The following TAFA4 variants were observed in gnomAD, a reference collection of about 807,000 sequenced individuals.
TAFA4 encodes the protein TAFA chemokine like family member 4.
A neutral mutation model predicts 21.1 loss-of-function variants in TAFA4; 20 were observed. The ratio of observed to expected loss-of-function variants is 0.95; its 90% CI spans 0.67 to 1.38. The LOEUF is 1.38. TAFA4 is among the 40% of genes most tolerant of loss of function. TAFA4 has a pLI of 0.00. For missense variants in TAFA4, 211 were observed against 180.9 expected (o/e 1.17, Z -0.95); for synonymous variants, 71 against 67.4 (o/e 1.05, Z -0.26).
Position 68,909,181 on chromosome 3 carries a change from A to C in TAFA4, c.-123+23059T>G, listed in dbSNP as rs547553591. Among the ~76,000 whole-genome samples the C allele has an allele frequency of 2.2e-3, 335 of 152,222 alleles. 2 individuals are homozygous for C. The highest frequency in any genetic ancestry group is 7.7e-3 in the African/African-American group (321 of 41,456). On this transcript the variant is annotated intron_variant, in intron 1 of 5. Transcript: ENST00000295569. ...TAACTCAAAGGATGGCAAACCCCCCAAAAAAAAAAGGGATTTGGGGACAAA... is the reference window on the plus strand; with the variant it reads ...TAACTCAAAGGATGGCAAACCCCCCCAAAAAAAAAGGGATTTGGGGACAAA...
chr3:68,808,914 T>C (rs541219533), intron 3 of TAFA4, among the ~76,000 whole-genome samples: 107 of 152,294 alleles, frequency 7.0e-4, no homozygotes, highest in Non-Finnish European at 1.1e-3. Flanking sequence ...ACCTGGAACA[T>C]TGCTGCTTAT....
chr3:68,867,636 G>A (rs1377521904), intron 3 of TAFA4, among the ~76,000 whole-genome samples: 1 of 151,956 alleles, frequency 6.6e-6, no homozygotes, highest in African/African-American at 2.4e-5. Context: ...AACTTATTAG[G>A]GATAGGCAAT....
At chr3:68,807,657 T>G (rs76158960) in intron 3 of TAFA4, among the ~76,000 whole-genome samples, 1 of 152,350 alleles carries the variant, frequency 6.6e-6, no homozygotes, top group East Asian at 1.9e-4. Flanking sequence ...CAAAGTATGT[T>G]TATATAGTGT....
intron 3 of TAFA4, among the ~76,000 whole-genome samples, chr3:68,783,951 G>T (rs1703203579): frequency 6.6e-6 from 1 of 152,042 alleles, no homozygotes; most frequent in African/African-American, 2.4e-5. Flanking sequence ...GGAAAAAAAA[G>T]GTCAAAACAC....
chr3:68,831,505 T>C (rs1354934727), intron 3 of TAFA4, among the ~76,000 whole-genome samples: 2 of 152,144 alleles, frequency 1.3e-5, no homozygotes, highest in Non-Finnish European at 1.5e-5. Flanking sequence ...ATGTTGAATA[T>C]TGGCCCCCAC....
intron 1 of TAFA4, among the ~76,000 whole-genome samples, chr3:68,885,708 TGGAAAA>T (rs2089665495): frequency 6.6e-6 from 1 of 152,158 alleles, no homozygotes; most frequent in South Asian, 2.1e-4. Context: ...CATGGAGCAG[TGGAAAA>T]GCCAGCACGA....
At chr3:68,782,815 T>C (rs899594022) in intron 3 of TAFA4, among the ~76,000 whole-genome samples, 1 of 152,212 alleles carries the variant, frequency 6.6e-6, no homozygotes, top group Non-Finnish European at 1.5e-5. Flanking sequence ...AGTCTGGAAC[T>C]AGACAGTCAT....
Position 68,831,904 on chromosome 3 carries a change from T to C in TAFA4, c.130+48826A>G, listed in dbSNP as rs60376501. Reference sequence around the variant, plus strand: ...TTCTTTTCACTCTTCTTTAATCTTGTCTTCTCACTTTATTTCATTAATTTG... The same window carrying C: ...TTCTTTTCACTCTTCTTTAATCTTGCCTTCTCACTTTATTTCATTAATTTG... On this transcript the variant is annotated intron_variant, in intron 3 of 5. Transcript: ENST00000295569. Among the ~76,000 whole-genome samples the C allele has an allele frequency of 3.5e-4, 53 of 152,222 alleles. No individual in the cohort carries two copies. The East Asian group carries it at 9.1e-3, about 26-fold the overall frequency.
chr3:68,734,948 T>A (rs1206891933), intron 5 of TAFA4, among the ~76,000 whole-genome samples: 1 of 152,164 alleles, frequency 6.6e-6, no homozygotes, highest in Non-Finnish European at 1.5e-5. Context: ...TGAAGTTGGA[T>A]GATAAAATGC....
chr3:68,881,970 G>A (rs1488826987), intron 2 of TAFA4, among the ~76,000 whole-genome samples: 1 of 152,180 alleles, frequency 6.6e-6, no homozygotes, highest in African/African-American at 2.4e-5. Context: ...CACATGTTCT[G>A]CTGCCAACAT....
intron 4 of TAFA4, among the ~76,000 whole-genome samples, chr3:68,740,214 G>T (rs1702324455): frequency 6.6e-6 from 1 of 152,160 alleles, no homozygotes; most frequent in African/African-American, 2.4e-5. Flanking sequence ...CTGACTTTGA[G>T]CCAGTCACAA....
At chr3:68,750,523 T>C (rs1241677448) in intron 4 of TAFA4, among the ~76,000 whole-genome samples, 3 of 152,210 alleles carry the variant, frequency 2.0e-5, no homozygotes, top group Non-Finnish European at 2.9e-5. Flanking sequence ...TCTACAAACC[T>C]ATCTCCAAAT....
At chr3:68,808,598 T>A (rs75508378) in intron 3 of TAFA4, among the ~76,000 whole-genome samples, 1 of 152,300 alleles carries the variant, frequency 6.6e-6, no homozygotes, top group Non-Finnish European at 1.5e-5. Flanking sequence ...GATTTCCCCA[T>A]GACAAATTCC....
At chr3:68,755,908 A>G (rs1181294294) in intron 3 of TAFA4, among the ~76,000 whole-genome samples, 2 of 152,196 alleles carry the variant, frequency 1.3e-5, no homozygotes, top group Non-Finnish European at 2.9e-5. Flanking sequence ...GCTCACTCAC[A>G]TGTTCATCAT....
chr3:68,826,168 T>C (rs1704229765), intron 3 of TAFA4, among the ~76,000 whole-genome samples: 1 of 152,222 alleles, frequency 6.6e-6, no homozygotes, highest in South Asian at 2.1e-4. Context: ...CTAAGAACAC[T>C]GGACCTGCAG....
In TAFA4 at chr3:68,864,646, T is replaced by C. The variant is rs973588277; in HGVS notation, c.130+16084A>G. ...TCTGTGTAACACTTGTACAAAATGT[T>C]CACAGCAGCTGTATTTATGATAGCC... is the stretch of plus-strand genomic sequence containing the variant. On this transcript the variant is annotated intron_variant, in intron 3 of 5. Transcript: ENST00000295569. Among the ~76,000 whole-genome samples the C allele has an allele frequency of 2.0e-5, 3 of 152,132 alleles. 1 individual carries two copies. Among genetic ancestry groups the C allele is most frequent in the Middle Eastern group, 6.3e-3 (2 of 316 alleles).
intron 3 of TAFA4, among the ~76,000 whole-genome samples, chr3:68,832,652 T>G (rs1441078001): frequency 6.6e-6 from 1 of 152,204 alleles, no homozygotes; most frequent in Non-Finnish European, 1.5e-5. Context: ...GGGACCCACT[T>G]GAGGAGGCAG....
At chr3:68,900,259 TAATAATAATAATAATAATAATAAC>T (rs1187024891) in intron 1 of TAFA4, among the ~76,000 whole-genome samples, 7,222 of 87,736 alleles carry the variant, frequency 0.082, 235 homozygotes, top group Non-Finnish European at 0.1. Flanking sequence ...ATAATAATAA[TAATAATAATAATAATAATAATAAC>T]AATAATAATA....
intron 1 of TAFA4, among the ~76,000 whole-genome samples, chr3:68,909,394 A>C (rs2089934158): frequency 6.6e-6 from 1 of 152,188 alleles, no homozygotes. Flanking sequence ...TGTCGTCACC[A>C]TACTCACCAC....
Sources: allele counts gnomAD v4.1 joint callset (sites outside exome capture counted in the v4.1 genomes callset), GRCh38; gene constraint gnomAD v4.1.1; transcripts MANE v1.5; gene names NCBI Gene and HGNC (gene_info 2026-07-23, HGNC 2026-07-21).